Variants in GALNT17 observed in about 807,000 individuals in gnomAD.
GALNT17 encodes polypeptide N-acetylgalactosaminyltransferase 17, also known as UDP-GalNAc:polypeptide N-acetylgalactosaminyltransferase-like 3.
A neutral mutation model predicts 63.7 loss-of-function variants in GALNT17; 29 were observed. The observed-to-expected ratio is 0.46, with a 90% CI of 0.34 to 0.62. The LOEUF (loss-of-function observed/expected upper bound fraction) is 0.62. Among genes scored for constraint, GALNT17 ranks in the 20% least tolerant of loss-of-function variants. GALNT17 has a pLI of 0.01. For synonymous variants in GALNT17, 305 were observed against 318.3 expected (o/e 0.96, Z 0.45); for missense variants, 603 against 799.6 (o/e 0.75, Z 2.97).
At chr7:71,663,017 TGA>T (rs759767285) in intron 6 of GALNT17, among the ~76,000 whole-genome samples, 89 of 152,180 alleles carry the variant, frequency 5.8e-4, no homozygotes, top group Non-Finnish European at 4.1e-4. Flanking sequence ...ACCATAAGTG[TGA>T]GAGTTTATTT....
intron 5 of GALNT17, among the ~76,000 whole-genome samples, chr7:71,445,339 C>T (rs747337431): frequency 2.6e-5 from 4 of 151,488 alleles, no homozygotes; most frequent in East Asian, 1.9e-4. Flanking sequence ...CCACCACGCC[C>T]GGCTAATTTT....
intron 3 of GALNT17, among the ~76,000 whole-genome samples, chr7:71,411,430 C>A (rs913662422): frequency 2.0e-5 from 3 of 152,080 alleles, no homozygotes; most frequent in African/African-American, 7.2e-5. Context: ...AAGGGGGTGA[C>A]TTTCTAACCA....
At chr7:71,210,790 T>A (rs1346456615) in intron 1 of GALNT17, among the ~76,000 whole-genome samples, 3 of 152,158 alleles carry the variant, frequency 2.0e-5, no homozygotes, top group African/African-American at 4.8e-5. Flanking sequence ...AGAAAGAGCG[T>A]TTGCTTAGGA....
At chr7:71,526,371 C>T (rs1188673846) in intron 5 of GALNT17, among the ~76,000 whole-genome samples, 1 of 151,878 alleles carries the variant, frequency 6.6e-6, no homozygotes, top group East Asian at 1.9e-4. Flanking sequence ...CAAAATCAGA[C>T]AAGACTTCTC....
intron 1 of GALNT17, among the ~76,000 whole-genome samples, chr7:71,265,344 C>G (rs1406479218): frequency 6.6e-6 from 1 of 151,386 alleles, no homozygotes; most frequent in African/African-American, 2.4e-5. Flanking sequence ...CCAGGCTGCT[C>G]TCGAACTCCT....
intron 1 of GALNT17, among the ~76,000 whole-genome samples, chr7:71,186,560 A>G (rs1303064608): frequency 3.3e-5 from 5 of 152,098 alleles, no homozygotes; most frequent in African/African-American, 1.2e-4. Flanking sequence ...CAGGTGGGAG[A>G]GGCTCCTAGA....
At chr7:71,508,645 G>T (rs2116719353) in intron 5 of GALNT17, among the ~76,000 whole-genome samples, 1 of 152,228 alleles carries the variant, frequency 6.6e-6, no homozygotes, top group South Asian at 2.1e-4. Flanking sequence ...GTCCTCGCCG[G>T]CACCAGCTCT....
chr7:71,397,794 A>G (rs564801017), intron 3 of GALNT17, among the ~76,000 whole-genome samples: 1 of 152,260 alleles, frequency 6.6e-6, no homozygotes, highest in African/African-American at 2.4e-5. Flanking sequence ...GAAGCTTCTT[A>G]AGAGAGACTG....
chr7:71,503,164 C>G (rs886444303), intron 5 of GALNT17, among the ~76,000 whole-genome samples: 2 of 151,906 alleles, frequency 1.3e-5, no homozygotes, highest in African/African-American at 2.4e-5. Flanking sequence ...ACTTCCTTGT[C>G]TTCTCACTCC....
chr7:71,309,377 T>G (rs1283027476), intron 1 of GALNT17, among the ~76,000 whole-genome samples: 2 of 152,082 alleles, frequency 1.3e-5, no homozygotes, highest in Non-Finnish European at 2.9e-5. Context: ...TTATGTGAGT[T>G]GAGGCACACG....
At chr7:71,479,146 C>T (rs1324380041) in intron 5 of GALNT17, among the ~76,000 whole-genome samples, 1 of 152,152 alleles carries the variant, frequency 6.6e-6, no homozygotes, top group East Asian at 1.9e-4. Flanking sequence ...CACTAGCAAC[C>T]ATAACCTTTA....
At chr7:71,318,846 A>C (rs1417790076) in intron 1 of GALNT17, among the ~76,000 whole-genome samples, 2 of 152,142 alleles carry the variant, frequency 1.3e-5, no homozygotes, top group African/African-American at 4.8e-5. Flanking sequence ...TCTCCTCCCA[A>C]GAACAATAAA....
chr7:71,180,872 G>A (rs1490620598), intron 1 of GALNT17, among the ~76,000 whole-genome samples: 2 of 152,298 alleles, frequency 1.3e-5, no homozygotes, highest in African/African-American at 4.8e-5. Flanking sequence ...GGAAGCAGGT[G>A]TGACAAGCTA....
chr7:71,454,497 A>G (rs1787320280), intron 5 of GALNT17, among the ~76,000 whole-genome samples: 2 of 152,150 alleles, frequency 1.3e-5, no homozygotes, highest in Admixed American at 6.5e-5. Flanking sequence ...GGAAAGAAGA[A>G]CTTTATTTCT....
chr7:71,485,533 G>C (rs1237200692), intron 5 of GALNT17, among the ~76,000 whole-genome samples: 1 of 152,202 alleles, frequency 6.6e-6, no homozygotes, highest in African/African-American at 2.4e-5. Context: ...TCTCATGGCA[G>C]GTCCTTGACC....
chr7:71,141,604 A>G (rs924189737), intron 1 of GALNT17, among the ~76,000 whole-genome samples: 1 of 151,908 alleles, frequency 6.6e-6, no homozygotes, highest in East Asian at 1.9e-4. Flanking sequence ...GTTTCCCATC[A>G]TATTCCCGAG....
intron 2 of GALNT17, among the ~76,000 whole-genome samples, chr7:71,363,831 T>G (rs1224577772): frequency 2.0e-5 from 3 of 152,186 alleles, no homozygotes; most frequent in Non-Finnish European, 4.4e-5. Flanking sequence ...GCTCAGTGTT[T>G]GCCTTACTTG....
rs181271042 is a variant in GALNT17, at chr7:71,457,184, A to G, written c.962+36079A>G. Among the ~76,000 whole-genome samples, 61 of 152,350 alleles carry G rather than the reference A, an allele frequency of 4.0e-4. 5 individuals are homozygous for G. The highest frequency in any genetic ancestry group is 2.9e-3 in the East Asian group (15 of 5,186). ...GTTTACATTGTCAGGGTGAAATTCAACAGAACCCTCTGACGGAAAAGATCT... is the reference window on the plus strand; with the variant it reads ...GTTTACATTGTCAGGGTGAAATTCAGCAGAACCCTCTGACGGAAAAGATCT... On this transcript the variant is annotated intron_variant, in intron 5 of 10. Transcript: ENST00000333538.
At chr7:71,344,608 G>C (rs1393412255) in intron 2 of GALNT17, among the ~76,000 whole-genome samples, 1 of 152,226 alleles carries the variant, frequency 6.6e-6, no homozygotes, top group East Asian at 1.9e-4. Flanking sequence ...ATTGAATGGA[G>C]AAGATGGAGG....
Sources: allele counts gnomAD v4.1 joint callset (sites outside exome capture counted in the v4.1 genomes callset), GRCh38; gene constraint gnomAD v4.1.1; transcripts MANE v1.5; gene names NCBI Gene and HGNC (gene_info 2026-07-23, HGNC 2026-07-21).